Variants in ZFAND3 observed in about 807,000 individuals in gnomAD.
ZFAND3 encodes AN1-type zinc finger protein 3.
ZFAND3 carries 10 observed loss-of-function variants against 29.6 expected under a neutral mutation model. That is an observed-to-expected ratio of 0.34 (90% CI 0.21 to 0.57). The LOEUF is 0.57. Ranked by LOEUF, ZFAND3 falls within the 20% of genes least tolerant of loss-of-function variation. The probability of loss-of-function intolerance (pLI) is 0.86; values close to 1 mark genes in which losing one functional copy is unlikely to be tolerated. For synonymous variants in ZFAND3, 128 were observed against 112.6 expected, an observed-to-expected ratio of 1.14 and a Z score of -0.87; for missense variants, 230 against 304.5, an observed-to-expected ratio of 0.76 and a Z score of 1.82.
intron 5 of ZFAND3, among the ~76,000 whole-genome samples, chr6:38,120,510 C>A (rs1431847632): frequency 6.6e-6 from 1 of 151,402 alleles, no homozygotes; most frequent in Non-Finnish European, 1.5e-5. Context: ...TATTTTAGTA[C>A]AGACAGGGAT....
chr6:38,054,218 CAAAAAAAA>C (rs34198332), intron 2 of ZFAND3, among the ~76,000 whole-genome samples: 1 of 112,046 alleles, frequency 8.9e-6, no homozygotes, highest in Admixed American at 9.3e-5. Context: ...CCATCTCTAT[CAAAAAAAA>C]AAAAAAAAAA....
At chr6:38,030,774 C>CAA (rs1268532583) in intron 2 of ZFAND3, among the ~76,000 whole-genome samples, 60 of 148,776 alleles carry the variant, frequency 4.0e-4, no homozygotes, top group African/African-American at 1.2e-3. Context: ...GAAAGAAGTA[C>CAA]AAAAAAAAAG....
In ZFAND3 at chr6:38,040,006, C is replaced by T. The variant is rs912502289; in HGVS notation, c.113-21587C>T. On this transcript the variant is annotated intron_variant, in intron 2 of 5. Coordinates refer to ENST00000287218, the MANE Select transcript of ZFAND3 (RefSeq NM_021943.3). ...GAATATTATTACTCTTAAACTTATGCATCTCTTGAGACATTGGGGAGAGAA... is the reference window on the plus strand; with the variant it reads ...GAATATTATTACTCTTAAACTTATGTATCTCTTGAGACATTGGGGAGAGAA... 2.0e-5 allele frequency among the ~76,000 whole-genome samples: 3 copies of T among 152,020 alleles called. 1 individual carries two copies. In the South Asian group the frequency reaches 6.2e-4, roughly 31 times the overall value.
At chr6:38,046,040 A>G (rs1436745409) in intron 2 of ZFAND3, among the ~76,000 whole-genome samples, 2 of 152,242 alleles carry the variant, frequency 1.3e-5, no homozygotes, top group East Asian at 3.9e-4. Context: ...CTCATTATAG[A>G]AGCCAAGGGC....
rs1017655504 is a variant in ZFAND3, at chr6:38,145,129, C to T, written c.530-7106C>T. ...TGTAAGGTGGGCTCCTTCCCTCTGCCCTCCAGCTCCTGCTCCACCCACCTC... is the reference window on the plus strand; with the variant it reads ...TGTAAGGTGGGCTCCTTCCCTCTGCTCTCCAGCTCCTGCTCCACCCACCTC... On this transcript the variant is annotated intron_variant, in intron 5 of 5. Coordinates refer to ENST00000287218, the MANE Select transcript of ZFAND3 (RefSeq NM_021943.3). Among the ~76,000 whole-genome samples the T allele has an allele frequency of 8.5e-5, 13 of 152,300 alleles. 1 individual carries two copies. The highest frequency in any genetic ancestry group is 3.1e-4 in the African/African-American group (13 of 41,566).
chr6:38,093,119 A>G (rs1293598735), intron 4 of ZFAND3, among the ~76,000 whole-genome samples: 1 of 152,234 alleles, frequency 6.6e-6, no homozygotes, highest in Non-Finnish European at 1.5e-5. Context: ...GTTAATGTAA[A>G]TAGGTTTTTC....
At chr6:38,079,454 A>G (rs551085302) in intron 3 of ZFAND3, among the ~76,000 whole-genome samples, 1 of 152,296 alleles carries the variant, frequency 6.6e-6, no homozygotes, top group South Asian at 2.1e-4. Flanking sequence ...TGTATTCACT[A>G]GAAATTTTTA....
intron 5 of ZFAND3, among the ~76,000 whole-genome samples, chr6:38,131,030 G>C (rs1257753350): frequency 6.6e-6 from 1 of 152,096 alleles, no homozygotes; most frequent in African/African-American, 2.4e-5. Context: ...CCTGATGTAA[G>C]CTAGGAGGGT....
At chr6:38,139,940 A>G (rs559645959) in intron 5 of ZFAND3, among the ~76,000 whole-genome samples, 33 of 152,322 alleles carry the variant, frequency 2.2e-4, no homozygotes, top group Non-Finnish European at 4.0e-4. Flanking sequence ...TAGAGATGGC[A>G]AGAAGTGAAT....
chr6:37,962,397 G>A (rs184402075), intron 2 of ZFAND3, among the ~76,000 whole-genome samples: 34 of 152,310 alleles, frequency 2.2e-4, no homozygotes, highest in Admixed American at 2.2e-3. Context: ...GCTTAAAGGG[G>A]AGGTAGAGAT....
At chr6:37,879,987 TAAA>T (rs1764862117) in intron 1 of ZFAND3, among the ~76,000 whole-genome samples, 1 of 152,196 alleles carries the variant, frequency 6.6e-6, no homozygotes, top group Non-Finnish European at 1.5e-5. Flanking sequence ...ATATTTGGCT[TAAA>T]AAATTCACCA....
At chr6:38,083,529 G>A (rs938202183) in intron 4 of ZFAND3, among the ~76,000 whole-genome samples, 9 of 152,090 alleles carry the variant, frequency 5.9e-5, no homozygotes, top group Admixed American at 4.6e-4. Flanking sequence ...TTTAGCCAGC[G>A]GGAAGTCAGA....
chr6:37,963,577 C>T (rs1299900153), intron 2 of ZFAND3, among the ~76,000 whole-genome samples: 1 of 151,840 alleles, frequency 6.6e-6, no homozygotes, highest in Non-Finnish European at 1.5e-5. Context: ...AGAGACAAAC[C>T]TTTAGCCAGA....
chr6:38,050,899 C>T (rs1466138101), intron 2 of ZFAND3, among the ~76,000 whole-genome samples: 1 of 152,126 alleles, frequency 6.6e-6, no homozygotes, highest in Non-Finnish European at 1.5e-5. Flanking sequence ...TTTACTGAAA[C>T]AGATGCAGTG....
intron 2 of ZFAND3, among the ~76,000 whole-genome samples, chr6:37,998,540 G>A (rs1055914444): frequency 3.3e-5 from 5 of 151,982 alleles, no homozygotes; most frequent in African/African-American, 9.7e-5. Context: ...TGAGGGGGGC[G>A]GGAGGGGGAG....
At position 37,873,111 on chromosome 6, in the gene ZFAND3, C is replaced by A. The variant is rs116076313; in HGVS notation, c.71+53095C>A. ...TTCTCTACTTAAAAACAAAAAAAAC[C>A]CCCCAAAAAATTAGCCAGGCGCGGT... On this transcript the variant is annotated intron_variant, in intron 1 of 5. Coordinates refer to ENST00000287218, the MANE Select transcript of ZFAND3 (RefSeq NM_021943.3). Among the ~76,000 whole-genome samples the A allele has an allele frequency of 0.019, 2,874 of 151,918 alleles. 246 individuals carry two copies. In the East Asian group the frequency reaches 0.28, roughly 15 times the overall value.
intron 5 of ZFAND3, among the ~76,000 whole-genome samples, chr6:38,118,893 T>C (rs1482270750): frequency 3.3e-5 from 5 of 152,224 alleles, no homozygotes; most frequent in Non-Finnish European, 5.9e-5. Context: ...GAGGCTGGAT[T>C]GCTAAATGCA....
At chr6:38,043,557 TCCTTCCCCTCTTCCC>T (rs553783751) in intron 2 of ZFAND3, among the ~76,000 whole-genome samples, 114 of 131,862 alleles carry the variant, frequency 8.6e-4, no homozygotes, top group African/African-American at 3.0e-3. Context: ...CCCCTCTTCC[TCCTTCCCCTCTTCCC>T]CCTTCCCCTC....
At chr6:37,948,134 A>T (rs1761933917) in intron 2 of ZFAND3, among the ~76,000 whole-genome samples, 1 of 152,216 alleles carries the variant, frequency 6.6e-6, no homozygotes, top group African/African-American at 2.4e-5. Context: ...GACAGTGTTC[A>T]AGTTTCCATG....
Sources: gnomAD v4.1 joint callset for allele counts (sites outside exome capture counted in the v4.1 genomes callset) on GRCh38, gnomAD v4.1.1 for gene constraint, MANE v1.5 for transcripts, NCBI Gene and HGNC (gene_info 2026-07-23, HGNC 2026-07-21) for gene names.